Variants in SLC35F2 observed in about 807,000 individuals in gnomAD.
SLC35F2 encodes queuine/queuosine transporter SLC35F2.
A neutral mutation model predicts 38.1 loss-of-function variants in SLC35F2; 25 were observed. The observed-to-expected ratio is 0.66, with a 90% CI of 0.48 to 0.92. The LOEUF (loss-of-function observed/expected upper bound fraction) is 0.92, where lower values mean the gene tolerates loss of function less well. Among genes scored for constraint, SLC35F2 ranks in the 40% least tolerant of loss-of-function variants. The pLI, the probability that SLC35F2 is intolerant of heterozygous loss-of-function variation, is 0.00. For synonymous variants in SLC35F2, 173 were observed against 181.7 expected, an observed-to-expected ratio of 0.95 and a Z score of 0.38; for missense variants, 409 against 452.9, an observed-to-expected ratio of 0.90 and a Z score of 0.88.
At chr11:107,857,464 T>G (rs1860312347) in intron 1 of SLC35F2, among the ~76,000 whole-genome samples, 1 of 152,192 alleles carries the variant, frequency 6.6e-6, no homozygotes, top group African/African-American at 2.4e-5. Context: ...CCCTTAGCCA[T>G]TACACTGAAT....
intron 6 of SLC35F2, chr11:107,803,422 A>G (rs1859344890): frequency 2.0e-6 from 2 of 985,216 alleles, no homozygotes; most frequent in South Asian, 4.7e-5. Flanking sequence ...ATGGTGTGAC[A>G]GTCCATTGCT....
intron 1 of SLC35F2, among the ~76,000 whole-genome samples, chr11:107,840,909 C>A (rs471838): frequency 0.23 from 35,306 of 152,076 alleles, 5,150 homozygotes; most frequent in Non-Finnish European, 0.33. Context: ...TCGTGGAGAC[C>A]TGGCCCAGTG....
intron 7 of SLC35F2, among the ~76,000 whole-genome samples, chr11:107,794,835 T>C (rs550748176): frequency 6.6e-6 from 1 of 152,344 alleles, no homozygotes; most frequent in Admixed American, 6.5e-5. Flanking sequence ...CTCTTAGATC[T>C]GATCAATAAA....
At position 107,805,352 on chromosome 11, in the gene SLC35F2, A is replaced by C. The variant is rs1053207167; in HGVS notation, c.731+7T>G. ...TTTGTCTTTAGAAAAAAATTGTAGA[A>C]TCTTACAGCTGTATACCACTGATAA... On this transcript the variant is annotated splice_region_variant and intron_variant, in intron 5 of 7. Transcript: ENST00000525815. 5 of 1,593,830 alleles carry C rather than the reference A, an allele frequency of 3.1e-6. No homozygotes were observed. Among genetic ancestry groups the C allele is most frequent in the Admixed American group, 1.9e-5 (1 of 53,126 alleles).
chr11:107,806,608 A>T (rs774076958), intron 4 of SLC35F2, 109 bp downstream of exon 4: 9 of 991,236 alleles, frequency 9.1e-6, no homozygotes, highest in Non-Finnish European at 1.4e-5. Flanking sequence ...TCACCTACAC[A>T]GTGACTTAAA....
At chr11:107,823,550 G>T (rs555119900) in intron 1 of SLC35F2, among the ~76,000 whole-genome samples, 3 of 152,230 alleles carry the variant, frequency 2.0e-5, no homozygotes, top group Middle Eastern at 3.4e-3. Flanking sequence ...TTTAGGCCAA[G>T]TTCTCGCACT....
chr11:107,847,902 G>A (rs547064710), intron 1 of SLC35F2, among the ~76,000 whole-genome samples: 137 of 152,202 alleles, frequency 9.0e-4, no homozygotes, highest in African/African-American at 3.2e-3. Flanking sequence ...GAGGGAAGTG[G>A]GCCAGTGATG....
At position 107,802,971 on chromosome 11, in the gene SLC35F2, T is replaced by C. The variant is rs576092467; in HGVS notation, c.939+30A>G. Reference sequence around the variant, plus strand: ...TACGTTTTTTGGATCCAAGCAAGTATTCTTATTTGAACGTGATCTATTTGT... The same window carrying C: ...TACGTTTTTTGGATCCAAGCAAGTACTCTTATTTGAACGTGATCTATTTGT... On this transcript the variant is annotated intron_variant, in intron 7 of 7. Coordinates refer to ENST00000525815, the MANE Select transcript of SLC35F2 (RefSeq NM_017515.5). 7.3e-5 allele frequency: 115 copies of C among 1,571,392 alleles called. No homozygotes were observed. The South Asian group carries it at 1.3e-3, about 17-fold the overall frequency.
chr11:107,817,874 A>G (rs1859601224), intron 1 of SLC35F2, among the ~76,000 whole-genome samples: 2 of 151,468 alleles, frequency 1.3e-5, no homozygotes, highest in Non-Finnish European at 2.9e-5. Context: ...CCTAACCAAC[A>G]TGGTCAAACC....
chr11:107,795,539 G>C (rs1339984308), intron 7 of SLC35F2, among the ~76,000 whole-genome samples: 6 of 152,164 alleles, frequency 3.9e-5, no homozygotes, highest in Admixed American at 2.6e-4. Context: ...ATAACCTCCT[G>C]AATGGGAGAA....
intron 1 of SLC35F2, among the ~76,000 whole-genome samples, chr11:107,825,477 T>G (rs1267665295): frequency 6.6e-6 from 1 of 151,696 alleles, no homozygotes; most frequent in Admixed American, 6.6e-5. Flanking sequence ...GTTCAAGTGA[T>G]TCTCCTGCCT....
intron 7 of SLC35F2, among the ~76,000 whole-genome samples, chr11:107,793,111 T>A (rs879447226): frequency 4.0e-5 from 6 of 151,508 alleles, no homozygotes; most frequent in Non-Finnish European, 8.8e-5. Context: ...GAGACGGGGT[T>A]TTTCCATGTT....
chr11:107,814,872 T>C (rs962330884), intron 2 of SLC35F2, among the ~76,000 whole-genome samples: 3 of 151,926 alleles, frequency 2.0e-5, no homozygotes, highest in African/African-American at 7.3e-5. Flanking sequence ...GCAAGGCAGG[T>C]GAATCACTTG....
At chr11:107,833,363 T>C (rs1048646289) in intron 1 of SLC35F2, among the ~76,000 whole-genome samples, 4 of 151,678 alleles carry the variant, frequency 2.6e-5, no homozygotes, top group African/African-American at 7.3e-5. Context: ...CTACTAAAAA[T>C]ACAAAATTAG....
chr11:107,834,102 T>C (rs1043633476), intron 1 of SLC35F2, among the ~76,000 whole-genome samples: 17 of 152,172 alleles, frequency 1.1e-4, no homozygotes, highest in Admixed American at 4.6e-4. Context: ...TCCTTTGAAA[T>C]GCTGAGGATC....
intron 1 of SLC35F2, 96 bp downstream of exon 1, chr11:107,858,562 G>A (rs1037267885): frequency 2.5e-4 from 281 of 1,107,770 alleles, no homozygotes; most frequent in Admixed American, 3.0e-4. Flanking sequence ...CCTCCCTGCT[G>A]GGGGCCTCAG....
intron 5 of SLC35F2, chr11:107,805,124 G>C (rs1011547888): frequency 1.0e-5 from 10 of 985,224 alleles, no homozygotes; most frequent in Non-Finnish European, 1.2e-5. Flanking sequence ...TGGTAATCAG[G>C]AATCCTAAGC....
At chr11:107,823,861 G>A (rs1288301798) in intron 1 of SLC35F2, 14 of 361,704 alleles carry the variant, frequency 3.9e-5, no homozygotes, top group South Asian at 1.1e-4. Context: ...CCCAGGAAGC[G>A]GAGTTTGCAG....
chr11:107,834,432 C>G (rs942328859), intron 1 of SLC35F2, among the ~76,000 whole-genome samples: 9 of 152,118 alleles, frequency 5.9e-5, no homozygotes, highest in African/African-American at 2.2e-4. Context: ...GGGTGGATCA[C>G]TTGAGGTCAG....
Sources: gnomAD v4.1 joint callset for allele counts (sites outside exome capture counted in the v4.1 genomes callset) on GRCh38, gnomAD v4.1.1 for gene constraint, MANE v1.5 for transcripts, NCBI Gene and HGNC (gene_info 2026-07-23, HGNC 2026-07-21) for gene names.